The following MACROD2 variants were observed in gnomAD, a reference collection of about 807,000 sequenced individuals.
MACROD2 encodes mono-ADP ribosylhydrolase 2, also known as ADP-ribose glycohydrolase MACROD2.
Under a neutral mutation model 70.4 loss-of-function variants are expected in MACROD2, and 36 were observed. That is an observed-to-expected ratio of 0.51 (90% CI 0.39 to 0.68). MACROD2 has a LOEUF of 0.68. MACROD2 is among the 30% of genes least tolerant of loss of function. The pLI, the probability that MACROD2 is intolerant of heterozygous loss-of-function variation, is 0.00. For missense variants in MACROD2, 496 were observed against 538.4 expected, an observed-to-expected ratio of 0.92 and a Z score of 0.78; for synonymous variants, 172 against 178.8, an observed-to-expected ratio of 0.96 and a Z score of 0.30.
intron 8 of MACROD2, among the ~76,000 whole-genome samples, chr20:15,596,228 C>G (rs1045818451): frequency 2.6e-5 from 4 of 152,166 alleles, no homozygotes; most frequent in Non-Finnish European, 5.9e-5. Context: ...CTGAGAGCTC[C>G]TGTTGATGGC....
At position 14,632,700 on chromosome 20, in the gene MACROD2, G is replaced by T. The variant is rs1236708664; in HGVS notation, c.302-52143G>T. On this transcript the variant is annotated intron_variant, in intron 4 of 17. Transcript: ENST00000684519. ...CTGATACAGAGATGTTTATTTAAAA[G>T]TATAGTAAACAAAATTAAATAAATT... is the stretch of plus-strand genomic sequence containing the variant. Among the ~76,000 whole-genome samples the T allele has an allele frequency of 2.0e-5, 3 of 152,270 alleles. No homozygotes were observed. The East Asian group carries it at 5.8e-4, about 29-fold the overall frequency.
At chr20:14,207,886 A>G (rs1302204439) in intron 3 of MACROD2, among the ~76,000 whole-genome samples, 1 of 152,242 alleles carries the variant, frequency 6.6e-6, no homozygotes, top group East Asian at 1.9e-4. Flanking sequence ...AGGTACATGT[A>G]GTGAGTCCTG....
intron 5 of MACROD2, among the ~76,000 whole-genome samples, chr20:15,165,258 C>A (rs911689157): frequency 3.3e-5 from 5 of 152,266 alleles, no homozygotes; most frequent in South Asian, 4.1e-4. Context: ...GAGTTCGAGA[C>A]CAGCCTGGCC....
chr20:14,399,021 ATT>A (rs57218208), intron 3 of MACROD2, among the ~76,000 whole-genome samples: 12 of 139,050 alleles, frequency 8.6e-5, no homozygotes, highest in East Asian at 2.1e-4. Context: ...CTCAATGAGT[ATT>A]TTTTTTTTTT....
chr20:15,075,798 G>C (rs2075652865), intron 5 of MACROD2, among the ~76,000 whole-genome samples: 1 of 152,128 alleles, frequency 6.6e-6, no homozygotes, highest in Non-Finnish European at 1.5e-5. Context: ...ATGGCAGGGG[G>C]CAGCAACACA....
At chr20:15,420,776 G>T (rs1349468155) in intron 6 of MACROD2, among the ~76,000 whole-genome samples, 2 of 152,082 alleles carry the variant, frequency 1.3e-5, no homozygotes, top group Non-Finnish European at 2.9e-5. Context: ...AATATATTAG[G>T]TAGAAACATC....
At chr20:14,545,859 A>G (rs1194616704) in intron 4 of MACROD2, among the ~76,000 whole-genome samples, 1 of 151,364 alleles carries the variant, frequency 6.6e-6, no homozygotes, top group Non-Finnish European at 1.5e-5. Context: ...ATAAACCAGT[A>G]TTTACATATA....
At chr20:14,714,431 A>G (rs989669322) in intron 5 of MACROD2, among the ~76,000 whole-genome samples, 1 of 152,114 alleles carries the variant, frequency 6.6e-6, no homozygotes, top group African/African-American at 2.4e-5. Flanking sequence ...AGTGATCTTT[A>G]CAAAACATAA....
intron 12 of MACROD2, among the ~76,000 whole-genome samples, chr20:15,954,267 GTTAGGTGCACCTTTCCA>G (rs1293005461): frequency 6.6e-6 from 1 of 152,054 alleles, no homozygotes; most frequent in Non-Finnish European, 1.5e-5. Flanking sequence ...ACTATAGCCT[GTTAGGTGCACCTTTCCA>G]TTGCAGACTT....
chr20:15,762,968 G>A (rs576903660), intron 8 of MACROD2, among the ~76,000 whole-genome samples: 3 of 152,260 alleles, frequency 2.0e-5, no homozygotes, highest in African/African-American at 7.2e-5. Context: ...ATAACCATTT[G>A]GTGAGAATAA....
chr20:14,368,840 AAAAAC>A (rs1168809571), intron 3 of MACROD2, among the ~76,000 whole-genome samples: 3 of 152,244 alleles, frequency 2.0e-5, no homozygotes, highest in African/African-American at 7.2e-5. Flanking sequence ...AAAAATCAAG[AAAAAC>A]AAAACAAAAA....
Position 15,957,142 on chromosome 20 carries a change from G to A in MACROD2, c.908-10411G>A, listed in dbSNP as rs569401299. 3.5e-4 allele frequency among the ~76,000 whole-genome samples: 53 copies of A among 152,218 alleles called. No individual in the cohort carries two copies. In the South Asian group the frequency reaches 5.6e-3, roughly 16 times the overall value. On this transcript the variant is annotated intron_variant, in intron 12 of 17. Coordinates refer to ENST00000684519, the MANE Select transcript of MACROD2 (RefSeq NM_001351661.2). ...TGGTGATGATTAGAGTGAGGGTAGT[G>A]GCTGGAAAGGAGGATAATGGGTAGA...
chr20:14,862,404 T>A (rs868463093), intron 5 of MACROD2, among the ~76,000 whole-genome samples: 3 of 17,550 alleles, frequency 1.7e-4, no homozygotes, highest in African/African-American at 5.1e-4. Context: ...AATATATATA[T>A]ATAAATATAT....
chr20:14,482,319 G>A (rs1019656099), intron 3 of MACROD2, among the ~76,000 whole-genome samples: 10 of 152,096 alleles, frequency 6.6e-5, no homozygotes, highest in Non-Finnish European at 1.0e-4. Flanking sequence ...TTAATTTATT[G>A]TAAGTAGAAT....
chr20:14,889,194 G>C (rs1013014145), intron 5 of MACROD2, among the ~76,000 whole-genome samples: 1 of 151,946 alleles, frequency 6.6e-6, no homozygotes, highest in African/African-American at 2.4e-5. Flanking sequence ...GCCTTATTTT[G>C]TTTATGTAAT....
chr20:14,813,934 A>G (rs1202299664), intron 5 of MACROD2, among the ~76,000 whole-genome samples: 1 of 152,006 alleles, frequency 6.6e-6, no homozygotes, highest in African/African-American at 2.4e-5. Context: ...GAAGCTGTCT[A>G]GGGGTTTCAT....
chr20:14,515,465 G>GCGCGCACACACA (rs1369248292), intron 4 of MACROD2, among the ~76,000 whole-genome samples: 118 of 127,168 alleles, frequency 9.3e-4, no homozygotes, highest in East Asian at 1.5e-3. Flanking sequence ...ACACACACAC[G>GCGCGCACACACA]CACACACACA....
At chr20:14,958,314 C>T (rs1168630612) in intron 5 of MACROD2, among the ~76,000 whole-genome samples, 1 of 152,156 alleles carries the variant, frequency 6.6e-6, no homozygotes, top group African/African-American at 2.4e-5. Flanking sequence ...GTGGGAGCTT[C>T]TTGACATTGG....
intron 15 of MACROD2, among the ~76,000 whole-genome samples, chr20:16,026,071 T>G (rs1217544862): frequency 6.6e-6 from 1 of 151,986 alleles, no homozygotes; most frequent in African/African-American, 2.4e-5. Flanking sequence ...GAGAATCGCT[T>G]GAACCCAGGA....
Sources: gnomAD v4.1 joint callset for allele counts (sites outside exome capture counted in the v4.1 genomes callset) on GRCh38, gnomAD v4.1.1 for gene constraint, MANE v1.5 for transcripts, NCBI Gene and HGNC (gene_info 2026-07-23, HGNC 2026-07-21) for gene names.